The following TMEM70 variants were observed in gnomAD, a reference collection of about 807,000 sequenced individuals.
The protein encoded by TMEM70 is transmembrane protein 70, also known as transmembrane protein 70, mitochondrial.
In TMEM70, 15 loss-of-function variants were observed where a neutral mutation model predicts 20.5. The ratio of observed to expected loss-of-function variants is 0.73; its 90% confidence interval spans 0.49 to 1.13. The LOEUF (loss-of-function observed/expected upper bound fraction) is 1.13, where lower values mean the gene tolerates loss of function less well. Ranked by LOEUF, TMEM70 falls within the 50% of genes most tolerant of loss-of-function variation. The probability of loss-of-function intolerance (pLI) is 0.00; values close to 1 mark genes in which losing one functional copy is unlikely to be tolerated. For missense variants in TMEM70, 344 were observed against 331.7 expected, an observed-to-expected ratio of 1.04 and a Z score of -0.29; for synonymous variants, 141 against 134.2, an observed-to-expected ratio of 1.05 and a Z score of -0.35.
chr8:73,976,672 C>A (rs967101148), intron 1 of TMEM70, among the ~76,000 whole-genome samples, 181 bp downstream of exon 1: 1 of 152,208 alleles, frequency 6.6e-6, no homozygotes, highest in South Asian at 2.1e-4. Context: ...TCCTCAGCCT[C>A]CGCGAGTCCA....
chr8:73,976,599 C>T (rs1815655339), intron 1 of TMEM70, 108 bp downstream of exon 1: 1 of 1,177,458 alleles, frequency 8.5e-7, no homozygotes, highest in Admixed American at 3.0e-5. Flanking sequence ...GTGTCCGTGG[C>T]TGGAGCGCGG....
Position 73,981,562 on chromosome 8 carries a change from G to A in TMEM70, c.724G>A (p.Glu242Lys). The change falls in exon 3 of 3, where the codon GAA becomes AAA. Residue 242 changes from glutamate (E) to lysine (K), a missense_variant. Glu to Lys is a moderately conservative substitution (Grantham distance 56). Coordinates refer to ENST00000312184, the MANE Select transcript of TMEM70 (RefSeq NM_017866.6). Reference protein sequence around the residue: ...YIHLMGYDKEEFILYMEETSE... With the variant: ...YIHLMGYDKEKFILYMEETSE... ...CCATCTAATGGGTTATGACAAAGAA[G>A]AATTTATTTTGTATATGGAAGAAAC... 1 of 1,613,370 alleles carries A rather than the reference G, an allele frequency of 6.2e-7. No individual in the cohort carries two copies. Among genetic ancestry groups the A allele is most frequent in the Non-Finnish European group, 8.5e-7 (1 of 1,179,744 alleles).
chr8:73,979,735 T>G (rs1027182357), intron 2 of TMEM70, among the ~76,000 whole-genome samples: 1 of 151,864 alleles, frequency 6.6e-6, no homozygotes, highest in African/African-American at 2.4e-5. Flanking sequence ...GCCTCCCAAA[T>G]AGCTAGGACT....
In TMEM70 at chr8:73,982,093, C is replaced by T. The variant is rs1361082856; in HGVS notation, c.*472C>T. The T allele has an allele frequency of 6.3e-6, 3 of 476,490 alleles. No individual in the cohort carries two copies. Among genetic ancestry groups the T allele is most frequent in the East Asian group, 1.3e-4 (2 of 15,946 alleles). 29.5% of individuals were successfully genotyped at this position (476,490 alleles called of 1,614,324 possible). A position where few individuals can be genotyped will look rare whatever the true frequency, so the allele number is the denominator to read the frequency against. ...GCTGTTGCCTGAGGACCAAGTCTGTCAGGAAGCTGGCTAGGAAGCCTTGCA... is the reference window on the plus strand; with the variant it reads ...GCTGTTGCCTGAGGACCAAGTCTGTTAGGAAGCTGGCTAGGAAGCCTTGCA... On this transcript the variant is annotated 3_prime_UTR_variant, in exon 3 of 3. Transcript: ENST00000312184.
rs112765233 is a variant in TMEM70, at chr8:73,978,692, CA to C, written c.211-53del. ...TGGGAGACAGAGCAAGACTCTGTCT[CA>C]AAAAAAAAAACTTAAAAAAATTTAA... On this transcript the variant is annotated intron_variant, in intron 1 of 2. Coordinates refer to ENST00000312184, the MANE Select transcript of TMEM70 (RefSeq NM_017866.6). The C allele has an allele frequency of 2.1e-3, 2,754 of 1,308,396 alleles. 1 individual carries two copies. The highest frequency in any genetic ancestry group is 4.3e-3 in the Admixed American group (213 of 49,728). 81.0% of individuals were successfully genotyped at this position (1,308,396 alleles called of 1,614,324 possible). A position where few individuals can be genotyped will look rare whatever the true frequency, so the allele number is the denominator to read the frequency against.
rs777501387 is a variant in TMEM70, at chr8:73,981,414, TAC to T, written c.578_579del (p.Thr193SerfsTer6). On this transcript the variant is annotated frameshift_variant, in exon 3 of 3. Transcript: ENST00000312184. LOFTEE classifies it high-confidence loss of function. Reference protein sequence around the residue: ...TYNAMLAETSTVFHQNDVKIP... With the variant: ...TYNAMLAETSXVFHQNDVKIP... Reference sequence around the variant, plus strand: ...ACAATGCTATGCTTGCAGAAACGAGTACAGTGTTTCACCAGAATGATGTGAAG... The same window carrying T: ...ACAATGCTATGCTTGCAGAAACGAGTAGTGTTTCACCAGAATGATGTGAAG... The T allele has an allele frequency of 1.1e-5, 17 of 1,614,074 alleles. No homozygotes were observed. The highest frequency in any genetic ancestry group is 5.0e-5 in the Admixed American group (3 of 60,008).
intron 2 of TMEM70, among the ~76,000 whole-genome samples, chr8:73,980,374 G>T (rs28726155): frequency 1.4e-4 from 20 of 145,414 alleles, no homozygotes; most frequent in East Asian, 4.1e-4. Flanking sequence ...ATATGTTTCT[G>T]TTTTTTTTTT....
At chr8:73,977,931 C>G (rs1345083500) in intron 1 of TMEM70, among the ~76,000 whole-genome samples, 2 of 152,286 alleles carry the variant, frequency 1.3e-5, no homozygotes, top group African/African-American at 2.4e-5. Flanking sequence ...AACCTGAGAG[C>G]TGGGATGCTA....
At chr8:73,977,962 G>A (rs1815692604) in intron 1 of TMEM70, among the ~76,000 whole-genome samples, 1 of 152,192 alleles carries the variant, frequency 6.6e-6, no homozygotes, top group Non-Finnish European at 1.5e-5. Context: ...CTCCAGCTCT[G>A]CAGTTTTCTA....
At chr8:73,980,118 T>C (rs12543465) in intron 2 of TMEM70, among the ~76,000 whole-genome samples, 35,618 of 152,060 alleles carry the variant, frequency 0.23, 4,992 homozygotes, top group African/African-American at 0.37. Context: ...GACGGAGTTT[T>C]GCTCTTGTTG....
chr8:73,980,668 G>A lies in TMEM70; in HGVS notation c.317-487G>A, dbSNP rs1052545867. Among the ~76,000 whole-genome samples the A allele has an allele frequency of 7.2e-5, 11 of 152,220 alleles. No homozygotes were observed. The South Asian group carries it at 8.3e-4, about 11-fold the overall frequency. ...CAGGCATGAGCCAATGCGCCTGGCC[G>A]TCCGATATGTTTTTTAACCACTGGT... On this transcript the variant is annotated intron_variant, in intron 2 of 2. Transcript: ENST00000312184.
chr8:73,980,811 GATA>G (rs1305869831), intron 2 of TMEM70, among the ~76,000 whole-genome samples: 1 of 152,194 alleles, frequency 6.6e-6, no homozygotes, highest in East Asian at 1.9e-4. Flanking sequence ...AGTTTTGTTT[GATA>G]ATCTGCTATC....
rs907076593 is a variant in TMEM70 at position 73,976,264 on chromosome 8, C to T, written c.-18C>T. 2 of 1,596,270 alleles carry T rather than the reference C, an allele frequency of 1.3e-6. No individual in the cohort carries two copies. The highest frequency in any genetic ancestry group is 8.5e-7 in the Non-Finnish European group (1 of 1,177,996). ...ACTCGTGCAGCTGGGGCGTCCGCAG[C>T]CGCTCGTCACCCGCGTGATGCTGTT... On this transcript the variant is annotated 5_prime_UTR_variant, in exon 1 of 3. Coordinates refer to ENST00000312184, the MANE Select transcript of TMEM70 (RefSeq NM_017866.6).
chr8:73,981,426 C>G lies in TMEM70; in HGVS notation c.588C>G (p.His196Gln), dbSNP rs199726326. 32 of 1,614,102 alleles carry G rather than the reference C, an allele frequency of 2.0e-5. No individual in the cohort carries two copies. In the African/African-American group the frequency reaches 3.1e-4, roughly 15 times the overall value. The change falls in exon 3 of 3, where the codon CAC becomes CAG. Residue 196 changes from histidine to glutamine, a missense_variant. His to Gln is a conservative substitution (Grantham distance 24). Coordinates refer to ENST00000312184, the MANE Select transcript of TMEM70 (RefSeq NM_017866.6). ...AMLAETSTVF[H>Q]QNDVKIPDAK... Reference sequence around the variant, plus strand: ...TTGCAGAAACGAGTACAGTGTTTCACCAGAATGATGTGAAGATTCCAGATG... The same window carrying G: ...TTGCAGAAACGAGTACAGTGTTTCAGCAGAATGATGTGAAGATTCCAGATG...
chr8:73,981,539 A>T lies in TMEM70; in HGVS notation c.701A>T (p.His234Leu). 1 of 1,613,884 alleles carries T rather than the reference A, an allele frequency of 6.2e-7. No homozygotes were observed. Among genetic ancestry groups the T allele is most frequent in the Non-Finnish European group, 8.5e-7 (1 of 1,179,862 alleles). The change falls in exon 3 of 3, where the codon CAT becomes CTT. Residue 234 changes from histidine (H) to leucine (L), a missense_variant. Transcript: ENST00000312184. ...VLFPNREDYIHLMGYDKEEFI... is the reference protein window; with the variant it reads ...VLFPNREDYILLMGYDKEEFI... ...TTTCCAAACCGTGAAGACTATATCCATCTAATGGGTTATGACAAAGAAGAA... is the reference window on the plus strand; with the variant it reads ...TTTCCAAACCGTGAAGACTATATCCTTCTAATGGGTTATGACAAAGAAGAA...
rs113753984 is a variant in TMEM70, at chr8:73,981,948, T to G, written c.*327T>G. On this transcript the variant is annotated 3_prime_UTR_variant, in exon 3 of 3. Coordinates refer to ENST00000312184, the MANE Select transcript of TMEM70 (RefSeq NM_017866.6). ...AGTTGCTTTATTCTTTGTGTATGGA[T>G]TTTTCTAAGTGTATAAATATTTTCC... 4.7e-5 allele frequency: 23 copies of G among 493,180 alleles called. 1 individual carries two copies. Among genetic ancestry groups the G allele is most frequent in the African/African-American group, 2.9e-4 (15 of 51,844 alleles). The allele number at this position is 493,180 out of a possible 1,614,324, so 30.6% of individuals were successfully genotyped here.
intron 2 of TMEM70, among the ~76,000 whole-genome samples, chr8:73,980,676 T>C (rs1320233390): frequency 6.6e-6 from 1 of 152,226 alleles, no homozygotes; most frequent in Admixed American, 6.5e-5. Flanking sequence ...CCGTCCGATA[T>C]GTTTTTTAAC....
Position 73,981,473 on chromosome 8 carries a change from T to G in TMEM70, c.635T>G (p.Phe212Cys). 1 of 1,614,182 alleles carries G rather than the reference T, an allele frequency of 6.2e-7. No individual in the cohort carries two copies. The highest frequency in any genetic ancestry group is 8.5e-7 in the Non-Finnish European group (1 of 1,180,034). ...GATGCTAAACATGTATTTACCACAT[T>G]TTATGCTAAAACAAAATCACTGTTA... ...IPDAKHVFTTFYAKTKSLLVN... is the reference protein window; with the variant it reads ...IPDAKHVFTTCYAKTKSLLVN... The change falls in exon 3 of 3, where the codon TTT (phenylalanine) becomes TGT (cysteine). Residue 212 changes from phenylalanine (F) to cysteine (C), a missense_variant. By Grantham distance (205) the Phe-to-Cys change is radical. Coordinates refer to ENST00000312184, the MANE Select transcript of TMEM70 (RefSeq NM_017866.6).
Position 73,976,325 on chromosome 8 carries a change from C to T in TMEM70, c.44C>T (p.Pro15Leu), listed in dbSNP as rs768462177. 4.4e-6 allele frequency: 7 copies of T among 1,600,894 alleles called. No individual in the cohort carries two copies. Among genetic ancestry groups the T allele is most frequent in the South Asian group, 3.3e-5 (3 of 91,016 alleles). Residue 15 changes from proline to leucine, a missense_variant, in exon 1 of 3, where the codon CCT (proline) becomes CTT (leucine). Coordinates refer to ENST00000312184, the MANE Select transcript of TMEM70 (RefSeq NM_017866.6). ...ALGSPWAVEL[P>L]LCGRRTALCA... is the part of the protein sequence containing the mutation. ...GGCAGCCCGTGGGCGGTCGAACTGC[C>T]TCTCTGCGGAAGGAGGACTGCATTG... is the stretch of plus-strand genomic sequence containing the variant.
Sources: gnomAD v4.1 joint callset for allele counts (sites outside exome capture counted in the v4.1 genomes callset) on GRCh38, gnomAD v4.1.1 for gene constraint, MANE v1.5 for transcripts, NCBI Gene and HGNC (gene_info 2026-07-23, HGNC 2026-07-21) for gene names.